CNOT6: variants seen among roughly 807,000 people sequenced by gnomAD.
The protein encoded by CNOT6 is CCR4-NOT transcription complex subunit 6, also known as carbon catabolite repression 4 protein.
A neutral mutation model predicts 61.2 loss-of-function variants in CNOT6; 12 were observed. That is an observed-to-expected ratio of 0.20 (90% CI 0.13 to 0.32). The LOEUF (loss-of-function observed/expected upper bound fraction) is 0.32, where lower values mean the gene tolerates loss of function less well. CNOT6 is among the 10% of genes least tolerant of loss of function. CNOT6 has a pLI of 1.00. For synonymous variants in CNOT6, 225 were observed against 240.6 expected, an observed-to-expected ratio of 0.94 and a Z score of 0.60; for missense variants, 405 against 663.9, an observed-to-expected ratio of 0.61 and a Z score of 4.28.
At chr5:180,520,191 G>A (rs1056126036) in intron 1 of CNOT6, among the ~76,000 whole-genome samples, 2 of 152,102 alleles carry the variant, frequency 1.3e-5, no homozygotes, top group South Asian at 2.1e-4. Flanking sequence ...TATGAATAAA[G>A]TTGTTATGAA....
At chr5:180,506,458 A>G (rs999505890) in intron 1 of CNOT6, among the ~76,000 whole-genome samples, 1 of 152,218 alleles carries the variant, frequency 6.6e-6, no homozygotes, top group Non-Finnish European at 1.5e-5. Flanking sequence ...TAATGCATGT[A>G]AAGTGCTGGA....
intron 2 of CNOT6, among the ~76,000 whole-genome samples, chr5:180,531,799 A>T (rs539466757): frequency 6.6e-6 from 1 of 152,244 alleles, no homozygotes; most frequent in Non-Finnish European, 1.5e-5. Context: ...CCCGGCCAAC[A>T]TGGCGAAACC....
chr5:180,500,000 CAG>C (rs1195314380), intron 1 of CNOT6, among the ~76,000 whole-genome samples: 2 of 152,230 alleles, frequency 1.3e-5, no homozygotes, highest in Admixed American at 1.3e-4. Context: ...GTTTATGTGA[CAG>C]AATAGCACAT....
intron 1 of CNOT6, among the ~76,000 whole-genome samples, chr5:180,503,213 T>A (rs1756958336): frequency 6.6e-6 from 1 of 151,902 alleles, no homozygotes; most frequent in South Asian, 2.1e-4. Flanking sequence ...TGTAAACCCA[T>A]CATTTCAAGC....
chr5:180,576,665 G>C lies in CNOT6; in HGVS notation c.*2465G>C, dbSNP rs1192505708. ...ACAAGTGTAACCTTCAAAAGAGGAA[G>C]AACTATTTGGGGTCTGTAGGTAATG... On this transcript the variant is annotated 3_prime_UTR_variant, in exon 12 of 12. Coordinates refer to ENST00000261951, the MANE Select transcript of CNOT6 (RefSeq NM_001370472.1). 2.0e-5 allele frequency: 3 copies of C among 152,226 alleles called. No individual in the cohort carries two copies. Among genetic ancestry groups the C allele is most frequent in the Non-Finnish European group, 1.5e-5 (1 of 68,028 alleles). 9.4% of individuals were successfully genotyped at this position (152,226 alleles called of 1,614,324 possible).
At chr5:180,521,265 C>T (rs1757867294) in intron 1 of CNOT6, among the ~76,000 whole-genome samples, 1 of 152,156 alleles carries the variant, frequency 6.6e-6, no homozygotes, top group African/African-American at 2.4e-5. Context: ...CTGGCACTCA[C>T]TGGTTAGTCA....
intron 2 of CNOT6, 99 bp from the exon 3 acceptor site, chr5:180,549,828 ATAAT>A: frequency 2.4e-6 from 2 of 841,540 alleles, no homozygotes; most frequent in African/African-American, 1.7e-5. Context: ...TTTTTGGATA[ATAAT>A]TTAAGTTACT....
At chr5:180,519,730 GATTC>G (rs1757797516) in intron 1 of CNOT6, among the ~76,000 whole-genome samples, 1 of 149,448 alleles carries the variant, frequency 6.7e-6, no homozygotes, top group African/African-American at 2.5e-5. Context: ...TAATGTTTGA[GATTC>G]ATTCATATTT....
chr5:180,525,239 C>T (rs1021038733), intron 1 of CNOT6, among the ~76,000 whole-genome samples: 1 of 152,076 alleles, frequency 6.6e-6, no homozygotes, highest in Non-Finnish European at 1.5e-5. Context: ...AAACCCATTT[C>T]TATGTTTGAA....
intron 2 of CNOT6, among the ~76,000 whole-genome samples, 180 bp downstream of exon 2, chr5:180,529,568 G>T (rs553163687): frequency 6.6e-6 from 1 of 152,318 alleles, no homozygotes; most frequent in Non-Finnish European, 1.5e-5. Context: ...AAAAGAATAT[G>T]ATTTGAGTCA....
intron 2 of CNOT6, among the ~76,000 whole-genome samples, chr5:180,529,703 G>A (rs942649331): frequency 1.6e-4 from 24 of 152,206 alleles, no homozygotes; most frequent in Non-Finnish European, 3.1e-4. Context: ...GCCCAGTCAC[G>A]TATTTGTTCT....
intron 4 of CNOT6, among the ~76,000 whole-genome samples, chr5:180,553,889 T>TA (rs983051183): frequency 6.6e-6 from 1 of 152,190 alleles, no homozygotes; most frequent in East Asian, 1.9e-4. Flanking sequence ...TAAGCATATT[T>TA]AAAAAAACTT....
At chr5:180,564,393 CAT>C (rs1438431753) in intron 4 of CNOT6, 94 bp from the exon 5 acceptor site, 6 of 798,080 alleles carry the variant, frequency 7.5e-6, no homozygotes, top group South Asian at 1.6e-5. Context: ...GTAACTATAA[CAT>C]AGTTATGGAT....
chr5:180,498,335 C>T (rs921713233), intron 1 of CNOT6, among the ~76,000 whole-genome samples: 7 of 152,138 alleles, frequency 4.6e-5, no homozygotes, highest in Admixed American at 6.5e-5. Context: ...AATAATACTC[C>T]GATTTTGCCT....
intron 1 of CNOT6, among the ~76,000 whole-genome samples, chr5:180,498,242 C>A (rs1253073489): frequency 6.6e-6 from 1 of 152,100 alleles, no homozygotes; most frequent in Non-Finnish European, 1.5e-5. Context: ...TCTCCTTCAT[C>A]CATTTATATT....
intron 1 of CNOT6, among the ~76,000 whole-genome samples, chr5:180,511,808 G>A (rs80096873): frequency 0.076 from 11,459 of 151,656 alleles, 596 homozygotes; most frequent in East Asian, 0.25. Flanking sequence ...TTTTTTGAGC[G>A]ACAGGTTCTC....
intron 1 of CNOT6, among the ~76,000 whole-genome samples, chr5:180,513,699 T>TTATTTATTTTTA (rs71591489): frequency 1.3e-4 from 18 of 139,930 alleles, no homozygotes; most frequent in Admixed American, 4.3e-4. Flanking sequence ...ATTTATTTAT[T>TTATTTATTTTTA]TTTATTTATT....
chr5:180,524,169 T>TA lies in CNOT6; in HGVS notation c.-2-5098dup, dbSNP rs1029224932. On this transcript the variant is annotated intron_variant, in intron 1 of 11. Coordinates refer to ENST00000261951, the MANE Select transcript of CNOT6 (RefSeq NM_001370472.1). ...ACTCTTGACTCTGGCCTAGCTATTT[T>TA]AAAAAAAATTCTTTTGTAATTCTTG... Among the ~76,000 whole-genome samples the TA allele has an allele frequency of 3.9e-5, 6 of 152,166 alleles. No individual in the cohort carries two copies. In the South Asian group the frequency reaches 6.2e-4, roughly 16 times the overall value.
At chr5:180,531,469 C>T (rs1214054343) in intron 2 of CNOT6, among the ~76,000 whole-genome samples, 13 of 151,504 alleles carry the variant, frequency 8.6e-5, no homozygotes, top group African/African-American at 2.4e-4. Flanking sequence ...GACGGGATGG[C>T]GGCTGGGAAG....
Sources: allele counts gnomAD v4.1 joint callset (sites outside exome capture counted in the v4.1 genomes callset), GRCh38; gene constraint gnomAD v4.1.1; transcripts MANE v1.5; gene names NCBI Gene and HGNC (gene_info 2026-07-23, HGNC 2026-07-21).